CHP1: variants seen among roughly 807,000 people sequenced by gnomAD.
The protein encoded by CHP1 is calcineurin B homologous protein 1.
CHP1 carries 11 observed loss-of-function variants against 27.4 expected under a neutral mutation model. The observed-to-expected ratio is 0.40, with a 90% CI of 0.25 to 0.67. The LOEUF (loss-of-function observed/expected upper bound fraction) is 0.67. Ranked by LOEUF, CHP1 falls within the 30% of genes least tolerant of loss-of-function variation. CHP1 has a pLI of 0.38. For synonymous variants in CHP1, 89 were observed against 87.4 expected, an observed-to-expected ratio of 1.02 and a Z score of -0.10; for missense variants, 169 against 251.3, an observed-to-expected ratio of 0.67 and a Z score of 2.22.
chr15:41,234,631 A>T (rs1241533889), intron 1 of CHP1, among the ~76,000 whole-genome samples: 1 of 152,236 alleles, frequency 6.6e-6, no homozygotes, highest in Non-Finnish European at 1.5e-5. Context: ...TTGGAAAAGT[A>T]ATTCTGGATA....
intron 2 of CHP1, among the ~76,000 whole-genome samples, chr15:41,249,110 C>T (rs1441912027): frequency 6.6e-6 from 1 of 152,130 alleles, no homozygotes; most frequent in African/African-American, 2.4e-5. Flanking sequence ...TTTCCAGGAC[C>T]CATCAGAGTG....
intron 3 of CHP1, among the ~76,000 whole-genome samples, chr15:41,259,852 G>A (rs1416276424): frequency 4.6e-5 from 7 of 152,024 alleles, no homozygotes; most frequent in South Asian, 2.1e-4. Flanking sequence ...TCCTGGGTTC[G>A]AGTGATTCTC....
chr15:41,251,270 C>T (rs2047365187), intron 2 of CHP1, among the ~76,000 whole-genome samples: 1 of 152,180 alleles, frequency 6.6e-6, no homozygotes, highest in African/African-American at 2.4e-5. Flanking sequence ...ATTACCAATA[C>T]CCAGAAGCTT....
rs2047542882 is a variant in CHP1 at position 41,280,990 on chromosome 15, C to G, written c.*1601C>G. On this transcript the variant is annotated 3_prime_UTR_variant, in exon 7 of 7. Transcript: ENST00000334660. ...TCTCCCACCTCAGCCTCCCAAGTAGCTGGGATTACAGACGTGTGCCACCAT... is the reference window on the plus strand; with the variant it reads ...TCTCCCACCTCAGCCTCCCAAGTAGGTGGGATTACAGACGTGTGCCACCAT... 6.6e-6 allele frequency: 1 copy of G among 151,958 alleles called. No individual in the cohort carries two copies. Among genetic ancestry groups the G allele is most frequent in the African/African-American group, 2.4e-5 (1 of 41,290 alleles). The allele number at this position is 151,958 out of a possible 1,614,324, so 9.4% of individuals were successfully genotyped here. A position where few individuals can be genotyped will look rare whatever the true frequency, so the allele number is the denominator to read the frequency against.
At chr15:41,261,338 G>A (rs1026755701) in intron 3 of CHP1, among the ~76,000 whole-genome samples, 2 of 151,506 alleles carry the variant, frequency 1.3e-5, no homozygotes, top group African/African-American at 4.8e-5. Flanking sequence ...TGTATTTTTA[G>A]TAGAGACAGG....
intron 2 of CHP1, among the ~76,000 whole-genome samples, chr15:41,249,344 G>C (rs138743277): frequency 7.8e-4 from 118 of 151,836 alleles, no homozygotes; most frequent in African/African-American, 2.8e-3. Flanking sequence ...GTAGAGAGGA[G>C]GTCTCGCCAT....
rs903002918 is a variant in CHP1, at chr15:41,231,309, C to T, written c.-74C>T. ...TCTCCCTTCTTGACCCCTAGCCCTT[C>T]CTTCCCTCCCTCCTTCCCTCCTGTC... On this transcript the variant is annotated 5_prime_UTR_variant, in exon 1 of 7. Coordinates refer to ENST00000334660, the MANE Select transcript of CHP1 (RefSeq NM_007236.5). 9 of 1,419,414 alleles carry T rather than the reference C, an allele frequency of 6.3e-6. No homozygotes were observed. The African/African-American group carries it at 1.3e-4, about 20-fold the overall frequency. 87.9% of individuals were successfully genotyped at this position (1,419,414 alleles called of 1,614,324 possible).
In CHP1 at chr15:41,231,386, G is replaced by T; in HGVS notation, c.4G>T (p.Gly2Cys). The stretch of plus-strand genomic sequence containing the variant: ...CGGAGGAGCTCCCGGCACGGCGATG[G>T]GTTCTCGGGCCTCCACGTTACTGCG... Reference protein sequence around the residue: MGSRASTLLRDE... With the variant: MCSRASTLLRDE... Residue 2 changes from glycine (G) to cysteine (C), a missense_variant, in exon 1 of 7, where the codon GGT (glycine) becomes TGT (cysteine). Physicochemically the swap from Gly to Cys is radical, Grantham distance 159 (BLOSUM62 -3). Coordinates refer to ENST00000334660, the MANE Select transcript of CHP1 (RefSeq NM_007236.5). 6.2e-7 allele frequency: 1 copy of T among 1,600,374 alleles called. No individual in the cohort carries two copies. The highest frequency in any genetic ancestry group is 8.5e-7 in the Non-Finnish European group (1 of 1,174,786).
chr15:41,257,954 CA>C (rs1216673316), intron 3 of CHP1, among the ~76,000 whole-genome samples: 1 of 152,174 alleles, frequency 6.6e-6, no homozygotes, highest in Non-Finnish European at 1.5e-5. Flanking sequence ...TGCACATAAC[CA>C]GATGTGACAA....
At chr15:41,279,035 A>C (rs1027611774) in intron 6 of CHP1, 146 bp downstream of exon 6, 25 of 1,034,494 alleles carry the variant, frequency 2.4e-5, no homozygotes, top group Non-Finnish European at 3.2e-5. Context: ...ACATGGTGAA[A>C]CCTCATCTGT....
intron 5 of CHP1, among the ~76,000 whole-genome samples, chr15:41,271,354 G>A (rs570467900): frequency 6.6e-6 from 1 of 152,064 alleles, no homozygotes; most frequent in South Asian, 2.1e-4. Context: ...CTTGAACCCA[G>A]GAGGTGGAGG....
intron 2 of CHP1, among the ~76,000 whole-genome samples, chr15:41,255,059 G>T (rs1251894348): frequency 6.6e-6 from 1 of 152,046 alleles, no homozygotes; most frequent in Non-Finnish European, 1.5e-5. Context: ...CTATAGAAAG[G>T]ACATTCTCAG....
chr15:41,235,195 T>C (rs1165258610), intron 1 of CHP1, among the ~76,000 whole-genome samples: 4 of 152,162 alleles, frequency 2.6e-5, no homozygotes, highest in Non-Finnish European at 4.4e-5. Flanking sequence ...ATTCACTTAA[T>C]TGTAGCAATA....
At chr15:41,256,465 G>A (rs2047401098) in intron 2 of CHP1, among the ~76,000 whole-genome samples, 2 of 152,160 alleles carry the variant, frequency 1.3e-5, no homozygotes, top group African/African-American at 4.8e-5. Flanking sequence ...CTTGCATTTT[G>A]TAAGTGCCTA....
intron 5 of CHP1, among the ~76,000 whole-genome samples, chr15:41,270,982 G>A (rs575067918): frequency 1.3e-5 from 2 of 152,102 alleles, no homozygotes; most frequent in Non-Finnish European, 2.9e-5. Context: ...TCGGCCGGGC[G>A]CTTTGGCTCA....
At position 41,231,302 on chromosome 15, in the gene CHP1, A is replaced by G. The variant is rs1422311856; in HGVS notation, c.-81A>G. ...ACTGCCCTCTCCCTTCTTGACCCCT[A>G]GCCCTTCCTTCCCTCCCTCCTTCCC... On this transcript the variant is annotated 5_prime_UTR_variant, in exon 1 of 7. Coordinates refer to ENST00000334660, the MANE Select transcript of CHP1 (RefSeq NM_007236.5). 1 of 1,353,222 alleles carries G rather than the reference A, an allele frequency of 7.4e-7. No individual in the cohort carries two copies. Among genetic ancestry groups the G allele is most frequent in the African/African-American group, 1.4e-5 (1 of 69,140 alleles). The allele number at this position is 1,353,222 out of a possible 1,614,324, so 83.8% of individuals were successfully genotyped here. A position where few individuals can be genotyped will look rare whatever the true frequency, so the allele number is the denominator to read the frequency against.
At chr15:41,253,712 C>T (rs973891083) in intron 2 of CHP1, among the ~76,000 whole-genome samples, 3 of 151,948 alleles carry the variant, frequency 2.0e-5, no homozygotes, top group Non-Finnish European at 4.4e-5. Context: ...CCTCGGCCTC[C>T]CAAAGTGCTG....
chr15:41,272,051 T>G (rs1331584339), intron 5 of CHP1: 1 of 152,088 alleles, frequency 6.6e-6, no homozygotes, highest in Non-Finnish European at 1.5e-5. Flanking sequence ...ATGATTCTTG[T>G]GAAAGTCCTG....
intron 2 of CHP1, among the ~76,000 whole-genome samples, chr15:41,244,735 CAG>C (rs1021609007): frequency 1.4e-4 from 21 of 152,252 alleles, no homozygotes; most frequent in African/African-American, 4.8e-4. Context: ...TATATGATAT[CAG>C]AGTGATGTAA....
Sources: allele counts gnomAD v4.1 joint callset (sites outside exome capture counted in the v4.1 genomes callset), GRCh38; gene constraint gnomAD v4.1.1; transcripts MANE v1.5; gene names NCBI Gene and HGNC (gene_info 2026-07-23, HGNC 2026-07-21).